Variants in RPTOR observed in about 807,000 individuals in gnomAD.
RPTOR encodes regulatory associated protein of MTOR complex 1, also known as regulatory-associated protein of mTOR.
In RPTOR, 21 loss-of-function variants were observed where a neutral mutation model predicts 169.9. The observed-to-expected ratio is 0.12, with a 90% CI of 0.09 to 0.18. RPTOR has a LOEUF of 0.18. Among genes scored for constraint, RPTOR ranks in the 10% least tolerant of loss-of-function variants. The probability of loss-of-function intolerance (pLI) is 1.00; values close to 1 mark genes in which losing one functional copy is unlikely to be tolerated. For synonymous variants in RPTOR, 732 were observed against 753.2 expected, an observed-to-expected ratio of 0.97 and a Z score of 0.46; for missense variants, 1,133 against 1,855.9, an observed-to-expected ratio of 0.61 and a Z score of 7.16.
intron 6 of RPTOR, among the ~76,000 whole-genome samples, chr17:80,779,448 C>A (rs1274052734): frequency 6.6e-6 from 1 of 152,198 alleles, no homozygotes; most frequent in Non-Finnish European, 1.5e-5. Flanking sequence ...GCGCAAGCAG[C>A]GTGCGGATCT....
At chr17:80,842,288 A>G (rs1457736346) in intron 10 of RPTOR, among the ~76,000 whole-genome samples, 1 of 151,956 alleles carries the variant, frequency 6.6e-6, no homozygotes, top group Non-Finnish European at 1.5e-5. Flanking sequence ...ATTAATTTTT[A>G]TTTTTGTAAA....
At chr17:80,668,245 A>G (rs1564864) in intron 3 of RPTOR, among the ~76,000 whole-genome samples, 27,079 of 152,066 alleles carry the variant, frequency 0.18, 2,849 homozygotes, top group East Asian at 0.24. Context: ...GTGGCTACTG[A>G]GAGGTTGCCT....
chr17:80,660,802 GT>G (rs924895843), intron 3 of RPTOR, among the ~76,000 whole-genome samples: 4 of 152,020 alleles, frequency 2.6e-5, no homozygotes, highest in African/African-American at 9.7e-5. Flanking sequence ...CAGCCCCTTG[GT>G]CCCCCCATTC....
At chr17:80,596,965 C>G (rs950209718) in intron 1 of RPTOR, among the ~76,000 whole-genome samples, 1 of 152,120 alleles carries the variant, frequency 6.6e-6, no homozygotes, top group Admixed American at 6.5e-5. Context: ...GCTGGACAGC[C>G]GATTCGTTCA....
chr17:80,925,518 C>A, intron 24 of RPTOR, 38 bp downstream of exon 24: 2 of 1,479,462 alleles, frequency 1.4e-6, no homozygotes, highest in Non-Finnish European at 9.4e-7. Context: ...AGAGTCCTAG[C>A]GAACATGTGT....
chr17:80,603,140 C>G (rs1309090876), intron 1 of RPTOR, among the ~76,000 whole-genome samples: 1 of 152,176 alleles, frequency 6.6e-6, no homozygotes, highest in Non-Finnish European at 1.5e-5. Flanking sequence ...TGAAAAACAT[C>G]TTTATCAATA....
At chr17:80,760,583 C>T (rs1034957314) in intron 6 of RPTOR, among the ~76,000 whole-genome samples, 7 of 152,138 alleles carry the variant, frequency 4.6e-5, no homozygotes, top group East Asian at 3.9e-4. Flanking sequence ...ATTACAGGCA[C>T]GAGCCACCGC....
chr17:80,815,366 C>CGG lies in RPTOR; in HGVS notation c.891-6835_891-6834insGG, dbSNP rs573409259. On this transcript the variant is annotated intron_variant, in intron 7 of 33. Coordinates refer to ENST00000306801, the MANE Select transcript of RPTOR (RefSeq NM_020761.3). ...TCGGAGGTGGCCAGACTCTGTAGCT[C>CGG]AGCTGTGCTACAGGGCCACCCAGAA... Among the ~76,000 whole-genome samples, 19 of 152,362 alleles carry CGG rather than the reference C, an allele frequency of 1.2e-4. No homozygotes were observed. In the East Asian group the frequency reaches 3.7e-3, roughly 29 times the overall value.
At chr17:80,892,540 G>A (rs1034780558) in intron 18 of RPTOR, among the ~76,000 whole-genome samples, 189 bp from the exon 19 acceptor site, 11 of 152,254 alleles carry the variant, frequency 7.2e-5, no homozygotes, top group Non-Finnish European at 1.3e-4. Flanking sequence ...GTTGTTGTTT[G>A]TCCAGTGCTA....
chr17:80,692,298 T>A (rs1193077991), intron 3 of RPTOR, among the ~76,000 whole-genome samples: 2 of 101,778 alleles, frequency 2.0e-5, no homozygotes, highest in African/African-American at 3.2e-5. Context: ...TGTTATGTTA[T>A]GTTATGTTAT....
chr17:80,964,121 T>G, intron 33 of RPTOR, 141 bp from the exon 34 acceptor site: 1 of 720,096 alleles, frequency 1.4e-6, no homozygotes, highest in Non-Finnish European at 2.4e-6. Flanking sequence ...CGGCCCGGCA[T>G]TTCCGGGCCT....
chr17:80,624,706 T>C (rs1299425933), intron 1 of RPTOR, among the ~76,000 whole-genome samples: 1 of 152,258 alleles, frequency 6.6e-6, no homozygotes, highest in African/African-American at 2.4e-5. Context: ...AATTAATCTT[T>C]ATCTTGTATC....
intron 13 of RPTOR, among the ~76,000 whole-genome samples, chr17:80,863,204 T>C (rs897442348): frequency 1.3e-5 from 2 of 152,146 alleles, no homozygotes; most frequent in South Asian, 4.1e-4. Flanking sequence ...CTGACACAGA[T>C]GGTACCGCAC....
chr17:80,962,931 C>A lies in RPTOR; in HGVS notation c.3813C>A (p.Gly1271=). Residue 1271 remains glycine, a synonymous_variant, in exon 33 of 34, where the codon GGC becomes GGA. Transcript: ENST00000306801. Reference sequence around the variant, plus strand: ...GGGACCCTTTCTCTCCCCACAGTGGCTCCGTCAATCAGTTCACCGCCATCT... The same window carrying A: ...GGGACCCTTTCTCTCCCCACAGTGGATCCGTCAATCAGTTCACCGCCATCT... ...IHPQADLIAC[G]SVNQFTAIYN... The A allele has an allele frequency of 1.2e-6, 2 of 1,613,598 alleles. No individual in the cohort carries two copies. Among genetic ancestry groups the A allele is most frequent in the Non-Finnish European group, 1.7e-6 (2 of 1,179,934 alleles).
chr17:80,557,435 T>C (rs2084423418), intron 1 of RPTOR, among the ~76,000 whole-genome samples: 1 of 151,720 alleles, frequency 6.6e-6, no homozygotes, highest in South Asian at 2.1e-4. Flanking sequence ...GAGAATCGCT[T>C]GAACCCGGGA....
chr17:80,912,705 C>A (rs117898740), intron 21 of RPTOR, among the ~76,000 whole-genome samples: 2,249 of 152,292 alleles, frequency 0.015, 64 homozygotes, highest in East Asian at 0.12. Context: ...GGCCCGCCCC[C>A]CTCTCCCACC....
intron 11 of RPTOR, among the ~76,000 whole-genome samples, chr17:80,849,279 G>A (rs1196806444): frequency 6.6e-6 from 1 of 152,268 alleles, no homozygotes; most frequent in East Asian, 1.9e-4. Flanking sequence ...CCGGTTTTCC[G>A]AATCCCTGCC....
chr17:80,600,809 G>C (rs2065179304), intron 1 of RPTOR, among the ~76,000 whole-genome samples: 1 of 152,110 alleles, frequency 6.6e-6, no homozygotes, highest in African/African-American at 2.4e-5. Flanking sequence ...CCAGAGGATG[G>C]ACAGTGGCAG....
rs991329508 is a variant in RPTOR at position 80,695,382 on chromosome 17, G to A, written c.349-12459G>A. 1.3e-5 allele frequency among the ~76,000 whole-genome samples: 2 copies of A among 152,206 alleles called. No homozygotes were observed. The highest frequency in any genetic ancestry group is 2.9e-5 in the Non-Finnish European group (2 of 68,030). On this transcript the variant is annotated intron_variant, in intron 3 of 33. Coordinates refer to ENST00000306801, the MANE Select transcript of RPTOR (RefSeq NM_020761.3). The surrounding 1 kb of genome is among the most constrained non-coding windows in gnomAD (Gnocchi z 4.9). ...ATGACGTTGCCAGGTCGAATGGCTG[G>A]TGAATCATTGATTTGGGGCTGAGAC...
Sources: gnomAD v4.1 joint callset for allele counts (sites outside exome capture counted in the v4.1 genomes callset) on GRCh38, gnomAD v4.1.1 for gene constraint, Gnocchi (gnomAD v3.1) non-coding constraint, MANE v1.5 for transcripts, NCBI Gene and HGNC (gene_info 2026-07-23, HGNC 2026-07-21) for gene names.